The following GSDMB variants were observed in gnomAD, a reference collection of about 807,000 sequenced individuals.
GSDMB encodes the protein gasdermin-B.
Under a neutral mutation model 42.9 loss-of-function variants are expected in GSDMB, and 32 were observed. The ratio of observed to expected loss-of-function variants is 0.75; its 90% confidence interval spans 0.56 to 1.00. GSDMB has a LOEUF of 1.00. GSDMB is among the 50% of genes least tolerant of loss of function. The probability of loss-of-function intolerance (pLI) is 0.00; values close to 1 mark genes in which losing one functional copy is unlikely to be tolerated. For missense variants in GSDMB, 468 were observed against 498.5 expected, an observed-to-expected ratio of 0.94 and a Z score of 0.58; for synonymous variants, 175 against 193.7, an observed-to-expected ratio of 0.90 and a Z score of 0.80.
At chr17:39,907,844 A>G (rs1241468943) in intron 6 of GSDMB, 2 of 272,868 alleles carry the variant, frequency 7.3e-6, no homozygotes, top group East Asian at 1.6e-4. Flanking sequence ...ACTCCAGTCC[A>G]GGACCCTTTT....
In GSDMB at chr17:39,905,888, G is replaced by A. The variant is rs200329027; in HGVS notation, c.986C>T (p.Ala329Val). The A allele has an allele frequency of 8.9e-5, 143 of 1,614,014 alleles. No homozygotes were observed. The highest frequency in any genetic ancestry group is 1.1e-4 in the Non-Finnish European group (131 of 1,179,978). The change falls in exon 9 of 11, where the codon GCG becomes GTG. Residue 329 changes from alanine (A) to valine (V), a missense_variant. Transcript: ENST00000418519. ...LFNAAGVLVE[A>V]RAKAILDFLD... is the part of the protein sequence containing the mutation. ...GAAGTCCAGAATGGCTTTTGCACGC[G>A]CTTCTACCAAGACCCCAGCAGCATT... is the stretch of plus-strand genomic sequence containing the variant.
Position 39,904,763 on chromosome 17 carries a change from CT to C in GSDMB, c.*48del, listed in dbSNP as rs1288730945. 3 of 1,554,884 alleles carry C rather than the reference CT, an allele frequency of 1.9e-6. No individual in the cohort carries two copies. Among genetic ancestry groups the C allele is most frequent in the Non-Finnish European group, 1.8e-6 (2 of 1,131,792 alleles). The stretch of plus-strand genomic sequence containing the variant: ...TAGTGGCGATGGCAGTGAGGACAGA[CT>C]GGTAAAGGGAAAACCCAGAGGCTTG... On this transcript the variant is annotated 3_prime_UTR_variant, in exon 11 of 11. Transcript: ENST00000418519.
Position 39,917,232 on chromosome 17 carries a change from C to T in GSDMB, c.85G>A (p.Val29Ile). 6.2e-7 allele frequency: 1 copy of T among 1,614,102 alleles called. No individual in the cohort carries two copies. Among genetic ancestry groups the T allele is most frequent in the African/African-American group, 1.3e-5 (1 of 75,048 alleles). ...GGDMIAVRSL[V>I]DADRFRCFHL... ...AAGCAGCGGAATCTATCAGCATCAA[C>T]AAGGCTTCTAACGGCAATCATATCC... The change falls in exon 2 of 11, where the codon GTT becomes ATT. Residue 29 changes from valine to isoleucine, a missense_variant. Coordinates refer to ENST00000418519, the MANE Select transcript of GSDMB (RefSeq NM_001165958.2).
Position 39,906,110 on chromosome 17 carries a change from C to T in GSDMB, c.888+1G>A, listed in dbSNP as rs866365580. On this transcript the variant is annotated splice_donor_variant, in intron 8 of 10. Transcript: ENST00000418519. LOFTEE classifies it high-confidence loss of function. ...CCCAAGGCTTTCTTAGGGTCCCTTA[C>T]TCTTTGCTCTAGATCCTGCCGAATA... The T allele has an allele frequency of 1.1e-5, 17 of 1,614,160 alleles. No homozygotes were observed. Among genetic ancestry groups the T allele is most frequent in the African/African-American group, 9.3e-5 (7 of 75,060 alleles).
intron 2 of GSDMB, among the ~76,000 whole-genome samples, chr17:39,915,997 G>T (rs2063702800): frequency 6.6e-6 from 1 of 152,020 alleles, no homozygotes; most frequent in African/African-American, 2.4e-5. Flanking sequence ...TTCCACTTTG[G>T]GCTCCAAGTG....
chr17:39,906,841 G>C, intron 7 of GSDMB, 120 bp downstream of exon 7: 1 of 1,564,732 alleles, frequency 6.4e-7, no homozygotes, highest in Non-Finnish European at 8.6e-7. Context: ...AAACCTGCTA[G>C]GCAGTGCCTC....
rs774825194 is a variant in GSDMB, at chr17:39,906,158, C to T, written c.841G>A (p.Ala281Thr). 5.6e-6 allele frequency: 9 copies of T among 1,614,158 alleles called. No homozygotes were observed. Among genetic ancestry groups the T allele is most frequent in the African/African-American group, 1.3e-5 (1 of 75,038 alleles). The change falls in exon 8 of 11, where the codon GCT (alanine) becomes ACT (threonine). Residue 281 changes from alanine to threonine, a missense_variant. Transcript: ENST00000418519. ...ATATCCTCCTTGCCGAGGCACTTAG[C>T]GAGGGAGTTTAGCACATCTTTTCTC... ...EKRKDVLNSL[A>T]KCLGKEDIRQ...
At position 39,909,681 on chromosome 17, in the gene GSDMB, A is replaced by G. The variant is rs2063570629; in HGVS notation, c.576+75T>C. On this transcript the variant is annotated intron_variant, in intron 4 of 10. Transcript: ENST00000418519. Reference sequence around the variant, plus strand: ...CGGAGAGGAGTGAAGGAAGAGTCTAAGGCTGGCATCGCCTTGACCTGCGGG... The same window carrying G: ...CGGAGAGGAGTGAAGGAAGAGTCTAGGGCTGGCATCGCCTTGACCTGCGGG... The G allele has an allele frequency of 3.0e-6, 4 of 1,325,714 alleles. No individual in the cohort carries two copies. In the Admixed American group the frequency reaches 7.2e-5, roughly 24 times the overall value. The allele number at this position is 1,325,714 out of a possible 1,614,324, so 82.1% of individuals were successfully genotyped here. A position where few individuals can be genotyped will look rare whatever the true frequency, so the allele number is the denominator to read the frequency against.
At position 39,905,991 on chromosome 17, in the gene GSDMB, GC is replaced by G; in HGVS notation, c.889-7del. ...GAAATCAGGACCTCAGATACCTAGG[GC>G]CAGGAAGTGTGGGAGATGAGCAGCA... On this transcript the variant is annotated splice_region_variant and splice_polypyrimidine_tract_variant and intron_variant, in intron 8 of 10. Transcript: ENST00000418519. 1 of 1,613,802 alleles carries G rather than the reference GC, an allele frequency of 6.2e-7. No homozygotes were observed. Among genetic ancestry groups the G allele is most frequent in the South Asian group, 1.1e-5 (1 of 91,058 alleles).
chr17:39,913,271 A>G (rs185211055), intron 2 of GSDMB, among the ~76,000 whole-genome samples: 41 of 152,328 alleles, frequency 2.7e-4, no homozygotes, highest in African/African-American at 9.6e-4. Flanking sequence ...GAAACAAGAC[A>G]AAGAAAAGTA....
At chr17:39,917,701 G>C in intron 1 of GSDMB, 1 of 250,254 alleles carries the variant, frequency 4.0e-6, no homozygotes, top group South Asian at 4.8e-5. Context: ...AAACATATAA[G>C]AACTAATGAT....
intron 1 of GSDMB, chr17:39,918,175 C>T (rs1348085630): frequency 6.6e-6 from 1 of 152,218 alleles, no homozygotes; most frequent in East Asian, 1.9e-4. Flanking sequence ...CCAGACTTCA[C>T]ATTACTAACC....
chr17:39,905,934 G>T lies in GSDMB; in HGVS notation c.940C>A (p.Pro314Thr). The change falls in exon 9 of 11, where the codon CCT becomes ACT. Residue 314 changes from proline (P) to threonine (T), a missense_variant. Physicochemically the swap from Pro to Thr is conservative, Grantham distance 38 (BLOSUM62 -1). Transcript: ENST00000418519. ...GELHMEDPDK[P>T]LLSSLFNAAG... ...GCATTAAAAAGGCTGCTTAGGAGAGGCTTGTCTGGGTCCTCCATGTGTAGC... is the reference window on the plus strand; with the variant it reads ...GCATTAAAAAGGCTGCTTAGGAGAGTCTTGTCTGGGTCCTCCATGTGTAGC... 1.2e-6 allele frequency: 2 copies of T among 1,613,986 alleles called. No individual in the cohort carries two copies. Among genetic ancestry groups the T allele is most frequent in the South Asian group, 1.1e-5 (1 of 91,074 alleles).
At chr17:39,905,602 C>T (rs1049306757) in intron 9 of GSDMB, 106 bp from the exon 10 acceptor site, 25 of 1,004,972 alleles carry the variant, frequency 2.5e-5, no homozygotes, top group Non-Finnish European at 3.1e-6. Flanking sequence ...CCAGAGAGCC[C>T]CTGGGAGTGC....
In GSDMB at chr17:39,912,328, G is replaced by C; in HGVS notation, c.405C>G (p.Asn135Lys). 1.2e-6 allele frequency: 2 copies of C among 1,613,260 alleles called. No individual in the cohort carries two copies. The highest frequency in any genetic ancestry group is 1.7e-6 in the Non-Finnish European group (2 of 1,179,438). ...ISQQYLATLE[N>K]RKLKRELPFS... ...CTGCTGCCCAACTCCAACCTCACCT[G>C]TTTTCAAGGGTAGCCAGATACTGCT... Residue 135 changes from asparagine (N) to lysine (K), a missense_variant and splice_region_variant, in exon 3 of 11, where the codon AAC becomes AAG. Physicochemically the swap from Asn to Lys is moderately conservative, Grantham distance 94. Coordinates refer to ENST00000418519, the MANE Select transcript of GSDMB (RefSeq NM_001165958.2).
intron 5 of GSDMB, 134 bp from the exon 6 acceptor site, chr17:39,908,348 A>T: frequency 1.7e-6 from 1 of 573,550 alleles, no homozygotes; most frequent in South Asian, 2.2e-5. Flanking sequence ...AAAAAAGACA[A>T]CTGTTTTTTG....
At chr17:39,916,573 A>G (rs1452710430) in intron 2 of GSDMB, among the ~76,000 whole-genome samples, 1 of 151,944 alleles carries the variant, frequency 6.6e-6, no homozygotes, top group Non-Finnish European at 1.5e-5. Flanking sequence ...TACAGGAGTG[A>G]GCCACCGCAC....
Position 39,905,829 on chromosome 17 carries a change from A to G in GSDMB, c.1027+18T>C, listed in dbSNP as rs201468136. The G allele has an allele frequency of 1.1e-4, 172 of 1,612,408 alleles. No individual in the cohort carries two copies. In the African/African-American group the frequency reaches 1.4e-3, roughly 13 times the overall value. ...TCACACTTCCTCCACCCCAGCCTAC[A>G]GCGAGACCCTTCCTCACCTAGCAGG... On this transcript the variant is annotated intron_variant, in intron 9 of 10. Coordinates refer to ENST00000418519, the MANE Select transcript of GSDMB (RefSeq NM_001165958.2).
chr17:39,915,251 C>G (rs1486848052), intron 2 of GSDMB, among the ~76,000 whole-genome samples: 1 of 152,210 alleles, frequency 6.6e-6, no homozygotes, highest in Non-Finnish European at 1.5e-5. Flanking sequence ...GGATTACAGG[C>G]GCGAGCCACT....
Sources: allele counts gnomAD v4.1 joint callset (sites outside exome capture counted in the v4.1 genomes callset), GRCh38; gene constraint gnomAD v4.1.1; transcripts MANE v1.5; gene names NCBI Gene and HGNC (gene_info 2026-07-23, HGNC 2026-07-21).